Variants in SPON1 observed in about 807,000 individuals in gnomAD.
SPON1 encodes spondin-1.
Under a neutral mutation model 111.7 loss-of-function variants are expected in SPON1, and 52 were observed. The observed-to-expected ratio is 0.47, with a 90% CI of 0.37 to 0.59. The LOEUF (loss-of-function observed/expected upper bound fraction) is 0.59. SPON1 is among the 20% of genes least tolerant of loss of function. The pLI, the probability that SPON1 is intolerant of heterozygous loss-of-function variation, is 0.00. For synonymous variants in SPON1, 410 were observed against 395.8 expected (o/e 1.04, Z -0.43); for missense variants, 957 against 1,068.5 (o/e 0.90, Z 1.46).
At chr11:14,181,680 G>T (rs547667049) in intron 6 of SPON1, among the ~76,000 whole-genome samples, 2 of 152,132 alleles carry the variant, frequency 1.3e-5, no homozygotes, top group African/African-American at 4.8e-5. Context: ...AGTTCACTGG[G>T]CCTGGGCTTC....
intron 6 of SPON1, among the ~76,000 whole-genome samples, chr11:14,218,186 C>T (rs1848644581): frequency 6.6e-6 from 1 of 152,174 alleles, no homozygotes; most frequent in African/African-American, 2.4e-5. Context: ...TTTTTCCCAC[C>T]TTAGTCATAT....
chr11:14,252,056 G>C (rs1554940708), intron 7 of SPON1, among the ~76,000 whole-genome samples: 1 of 152,222 alleles, frequency 6.6e-6, no homozygotes, highest in Non-Finnish European at 1.5e-5. Flanking sequence ...GACTTGAAGA[G>C]GGTGAGCAAC....
intron 3 of SPON1, among the ~76,000 whole-genome samples, chr11:14,061,862 T>C (rs1848793508): frequency 6.6e-6 from 1 of 152,226 alleles, no homozygotes; most frequent in Non-Finnish European, 1.5e-5. Flanking sequence ...ATTTTTATGC[T>C]GATGAGGCCT....
intron 6 of SPON1, among the ~76,000 whole-genome samples, chr11:14,172,884 G>C (rs537515044): frequency 1.2e-4 from 18 of 151,722 alleles, no homozygotes; most frequent in African/African-American, 3.9e-4. Context: ...ATGGGCTTCC[G>C]TTTGTGGGTA....
chr11:14,067,780 T>C (rs1307719441), intron 3 of SPON1, among the ~76,000 whole-genome samples: 1 of 152,206 alleles, frequency 6.6e-6, no homozygotes, highest in African/African-American at 2.4e-5. Context: ...ATGACTGGCA[T>C]GTCTGATATT....
chr11:14,189,882 CACAG>C (rs1428767261), intron 6 of SPON1, among the ~76,000 whole-genome samples: 3 of 152,118 alleles, frequency 2.0e-5, no homozygotes, highest in Non-Finnish European at 2.9e-5. Flanking sequence ...AAGTTAGAAA[CACAG>C]ACAGTTAGCT....
intron 5 of SPON1, among the ~76,000 whole-genome samples, chr11:14,130,205 T>G (rs577583873): frequency 3.3e-4 from 50 of 152,370 alleles, no homozygotes; most frequent in Admixed American, 1.5e-3. Context: ...CAGGTCTGCC[T>G]GACTCCAGAA....
intron 1 of SPON1, among the ~76,000 whole-genome samples, chr11:13,972,172 A>G (rs1191106683): frequency 6.6e-6 from 1 of 152,160 alleles, no homozygotes; most frequent in African/African-American, 2.4e-5. Context: ...TAGGGGCAGG[A>G]CATGATAGAA....
At chr11:14,012,862 G>T (rs1320833969) in intron 2 of SPON1, among the ~76,000 whole-genome samples, 2 of 152,116 alleles carry the variant, frequency 1.3e-5, no homozygotes, top group Non-Finnish European at 2.9e-5. Context: ...GTTAATAAGT[G>T]TTTGTTGAAC....
intron 7 of SPON1, among the ~76,000 whole-genome samples, chr11:14,250,828 T>C (rs530576332): frequency 6.6e-6 from 1 of 152,332 alleles, no homozygotes; most frequent in African/African-American, 2.4e-5. Context: ...ATTTTTATTA[T>C]AGAATAAATA....
rs74588266 is a variant in SPON1, at chr11:14,228,915, A to G, written c.826-14417A>G. ...ATTTTATTCTCACAAAAATATAAAT[A>G]TAAATGTTTAAATTCCCACAGAGAA... On this transcript the variant is annotated intron_variant, in intron 6 of 15. Coordinates refer to ENST00000576479, the MANE Select transcript of SPON1 (RefSeq NM_006108.4). The surrounding 1 kb of genome is among the most constrained non-coding windows in gnomAD (Gnocchi z 4.2). Among the ~76,000 whole-genome samples the G allele has an allele frequency of 0.036, 5,418 of 152,332 alleles. 134 individuals carry two copies. The highest frequency in any genetic ancestry group is 0.052 in the Non-Finnish European group (3,560 of 68,026).
chr11:14,019,364 T>C (rs1373211081), intron 2 of SPON1, among the ~76,000 whole-genome samples: 1 of 150,268 alleles, frequency 6.7e-6, no homozygotes, highest in African/African-American at 2.4e-5. Context: ...TAATTATATA[T>C]TATACGTAAT....
chr11:13,980,333 G>A (rs1365020014), intron 1 of SPON1, among the ~76,000 whole-genome samples: 3 of 152,138 alleles, frequency 2.0e-5, no homozygotes, highest in East Asian at 1.9e-4. Context: ...GAGCTGCCGC[G>A]CCTAGCCCCT....
intron 3 of SPON1, among the ~76,000 whole-genome samples, chr11:14,042,857 T>A (rs2133814334): frequency 6.6e-6 from 1 of 152,330 alleles, no homozygotes; most frequent in South Asian, 2.1e-4. Flanking sequence ...CTCTGAAGCA[T>A]CTGTCCATTG....
intron 6 of SPON1, among the ~76,000 whole-genome samples, chr11:14,189,784 AG>A (rs1182687363): frequency 1.3e-5 from 2 of 152,234 alleles, no homozygotes; most frequent in Non-Finnish European, 2.9e-5. Flanking sequence ...TCAGTCTCCA[AG>A]TCTTTCAGTC....
intron 1 of SPON1, among the ~76,000 whole-genome samples, chr11:13,971,931 C>T (rs190264851): frequency 3.7e-4 from 57 of 152,326 alleles, no homozygotes; most frequent in African/African-American, 1.3e-3. Flanking sequence ...TTGTACTTCT[C>T]TGCCACCAAA....
chr11:14,178,657 T>C (rs1848206761), intron 6 of SPON1, among the ~76,000 whole-genome samples: 2 of 152,228 alleles, frequency 1.3e-5, no homozygotes. Flanking sequence ...AATGCCTAAA[T>C]AAATTATGGC....
intron 2 of SPON1, among the ~76,000 whole-genome samples, chr11:14,004,921 C>G (rs1848347456): frequency 6.6e-6 from 1 of 152,094 alleles, no homozygotes; most frequent in Admixed American, 6.6e-5. Context: ...ATCCTCCTGC[C>G]TGGGTCTCCT....
At chr11:14,067,671 C>T (rs899374573) in intron 3 of SPON1, among the ~76,000 whole-genome samples, 2 of 152,158 alleles carry the variant, frequency 1.3e-5, no homozygotes, top group African/African-American at 2.4e-5. Context: ...TAGTCTCTTC[C>T]ATCTTGCAAA....
Sources: gnomAD v4.1 joint callset for allele counts (sites outside exome capture counted in the v4.1 genomes callset) on GRCh38, gnomAD v4.1.1 for gene constraint, Gnocchi (gnomAD v3.1) non-coding constraint, MANE v1.5 for transcripts, NCBI Gene and HGNC (gene_info 2026-07-23, HGNC 2026-07-21) for gene names.